DPP6: variants seen among roughly 807,000 people sequenced by gnomAD.
The protein encoded by DPP6 is dipeptidyl peptidase like 6.
In DPP6, 69 loss-of-function variants were observed where a neutral mutation model predicts 122.6. The observed-to-expected ratio is 0.56, with a 90% confidence interval of 0.46 to 0.69. The LOEUF (loss-of-function observed/expected upper bound fraction) is 0.69, where lower values mean the gene tolerates loss of function less well. Among genes scored for constraint, DPP6 ranks in the 30% least tolerant of loss-of-function variants. DPP6 has a pLI of 0.00. For synonymous variants in DPP6, 418 were observed against 433.1 expected, an observed-to-expected ratio of 0.97 and a Z score of 0.43; for missense variants, 928 against 1,116.9, an observed-to-expected ratio of 0.83 and a Z score of 2.41.
rs1238594608 is a variant in DPP6 at position 154,091,095 on chromosome 7, T to A, written c.243+38032T>A. On this transcript the variant is annotated intron_variant, in intron 1 of 25. Coordinates refer to ENST00000377770, the MANE Select transcript of DPP6 (RefSeq NM_130797.4). The stretch of plus-strand genomic sequence containing the variant: ...GAGACTGCGCCACTGCACTCCAGCT[T>A]GGGCAACAGAGCAAGACTCCTTCTC... Among the ~76,000 whole-genome samples the A allele has an allele frequency of 1.7e-4, 25 of 149,490 alleles. 1 individual carries two copies. The highest frequency in any genetic ancestry group is 1.1e-3 in the South Asian group (5 of 4,726).
chr7:154,245,165 C>A (rs1801892196), intron 1 of DPP6, among the ~76,000 whole-genome samples: 1 of 151,600 alleles, frequency 6.6e-6, no homozygotes, highest in African/African-American at 2.4e-5. Context: ...GTTGGCCAGG[C>A]TGGTCTTGAA....
intron 1 of DPP6, among the ~76,000 whole-genome samples, chr7:154,067,859 C>T (rs1034733083): frequency 6.6e-6 from 1 of 151,592 alleles, no homozygotes; most frequent in African/African-American, 2.4e-5. Context: ...ATCTTCCTGC[C>T]TCAGCCTGTC....
In DPP6 at chr7:154,887,754, G is replaced by A. The variant is rs764302944; in HGVS notation, c.2304+20G>A. On this transcript the variant is annotated intron_variant, in intron 23 of 25. Transcript: ENST00000377770. ...TACGAGGTGTGTATGGGCACAACTA[G>A]AGAATGTGATGAGACCAGTCAGCCT... 7.4e-6 allele frequency: 12 copies of A among 1,613,294 alleles called. No homozygotes were observed. Among genetic ancestry groups the A allele is most frequent in the Non-Finnish European group, 1.0e-5 (12 of 1,179,408 alleles).
At position 154,781,062 on chromosome 7, in the gene DPP6, T is replaced by C. The variant is rs141769142; in HGVS notation, c.1136+8120T>C. 6.3e-3 allele frequency among the ~76,000 whole-genome samples: 950 copies of C among 151,920 alleles called. 9 individuals are homozygous for C. Among genetic ancestry groups the C allele is most frequent in the Middle Eastern group, 0.024 (7 of 294 alleles). ...ATGAATATATGGATGGGTGGATGGA[T>C]GGATGATGGACAGTTGGATGAATTA... is the stretch of plus-strand genomic sequence containing the variant. On this transcript the variant is annotated intron_variant, in intron 10 of 25. Coordinates refer to ENST00000377770, the MANE Select transcript of DPP6 (RefSeq NM_130797.4).
the DPP6 span, among the ~76,000 whole-genome samples, chr7:153,820,405 T>C: frequency 3.3e-5 from 5 of 152,288 alleles, no homozygotes; most frequent in African/African-American, 1.2e-4. Context: ...ATAAAATTTA[T>C]TTTATTACAA....
chr7:154,719,275 CTGCTGGGATCTGGGGG>C (rs1291626011), intron 7 of DPP6, among the ~76,000 whole-genome samples: 1 of 152,136 alleles, frequency 6.6e-6, no homozygotes, highest in South Asian at 2.1e-4. Context: ...CAATGATGTT[CTGCTGGGATCTGGGGG>C]CTCCAAAGTG....
At chr7:154,619,978 T>C (rs1834530914) in intron 5 of DPP6, among the ~76,000 whole-genome samples, 1 of 152,224 alleles carries the variant, frequency 6.6e-6, no homozygotes, top group Non-Finnish European at 1.5e-5. Flanking sequence ...TTTGTCAAAA[T>C]GCAGATTCAA....
chr7:154,497,940 G>A (rs1002200783), intron 3 of DPP6, among the ~76,000 whole-genome samples: 1 of 152,086 alleles, frequency 6.6e-6, no homozygotes, highest in African/African-American at 2.4e-5. Flanking sequence ...GCCATGCAAG[G>A]TCTTTCCTGC....
At chr7:154,316,942 A>T (rs1330284223) in intron 1 of DPP6, among the ~76,000 whole-genome samples, 3 of 152,006 alleles carry the variant, frequency 2.0e-5, no homozygotes, top group Non-Finnish European at 4.4e-5. Flanking sequence ...AAGTTGGGTA[A>T]CCTCAGTTTC....
At chr7:153,973,269 G>C (rs1796116794) in intron 1 of DPP6, among the ~76,000 whole-genome samples, 1 of 152,112 alleles carries the variant, frequency 6.6e-6, no homozygotes, top group South Asian at 2.1e-4. Flanking sequence ...GAAATAAACA[G>C]ACATTAGTCA....
At chr7:154,719,458 T>C (rs1264522387) in intron 7 of DPP6, among the ~76,000 whole-genome samples, 1 of 152,112 alleles carries the variant, frequency 6.6e-6, no homozygotes, top group Non-Finnish European at 1.5e-5. Context: ...AAATTTGAAA[T>C]CTAGTCAGTG....
intron 21 of DPP6, 130 bp downstream of exon 21, chr7:154,881,072 G>C: frequency 7.3e-7 from 1 of 1,367,734 alleles, no homozygotes; most frequent in South Asian, 1.9e-5. Context: ...TTAAAATCAA[G>C]AGCCTGGGTG....
intron 7 of DPP6, among the ~76,000 whole-genome samples, chr7:154,709,061 A>AT (rs1841000393): frequency 6.6e-6 from 1 of 152,202 alleles, no homozygotes; most frequent in African/African-American, 2.4e-5. Flanking sequence ...AAATAAATAA[A>AT]AATAAAATAA....
chr7:154,219,073 A>C (rs751303149), intron 1 of DPP6, among the ~76,000 whole-genome samples: 8 of 152,216 alleles, frequency 5.3e-5, no homozygotes, highest in Non-Finnish European at 1.0e-4. Context: ...CTGAAATTTT[A>C]CTTCCTAAGA....
At chr7:154,594,045 G>C (rs1414834169) in intron 5 of DPP6, among the ~76,000 whole-genome samples, 1 of 152,178 alleles carries the variant, frequency 6.6e-6, no homozygotes, top group Non-Finnish European at 1.5e-5. Context: ...CAGGCACCTG[G>C]GGAGTGGTTG....
At chr7:154,060,853 G>C (rs1471747817) in intron 1 of DPP6, among the ~76,000 whole-genome samples, 1 of 135,950 alleles carries the variant, frequency 7.4e-6, no homozygotes, top group Non-Finnish European at 1.6e-5. Flanking sequence ...TTCCCCCACT[G>C]GCTCTTAGGA....
chr7:154,172,024 G>A (rs893229715), intron 1 of DPP6, among the ~76,000 whole-genome samples: 5 of 152,126 alleles, frequency 3.3e-5, no homozygotes, highest in Non-Finnish European at 5.9e-5. Flanking sequence ...CTGACACAAG[G>A]ACAGCCCATG....
At chr7:154,621,632 G>A (rs1834679920) in intron 5 of DPP6, among the ~76,000 whole-genome samples, 1 of 152,168 alleles carries the variant, frequency 6.6e-6, no homozygotes, top group Admixed American at 6.5e-5. Context: ...CTCCCAAAGT[G>A]CTAAGATTAG....
intron 16 of DPP6, among the ~76,000 whole-genome samples, chr7:154,840,581 C>T (rs902479506): frequency 5.9e-5 from 9 of 152,326 alleles, no homozygotes; most frequent in Admixed American, 2.0e-4. Flanking sequence ...AGCATTTATT[C>T]CCATGATGAG....
Sources: gnomAD v4.1 joint callset for allele counts (sites outside exome capture counted in the v4.1 genomes callset) on GRCh38, gnomAD v4.1.1 for gene constraint, MANE v1.5 for transcripts, NCBI Gene and HGNC (gene_info 2026-07-23, HGNC 2026-07-21) for gene names.